DLC1: variants seen among roughly 807,000 people sequenced by gnomAD.
DLC1 encodes the protein DLC1 Rho GTPase activating protein, also known as rho GTPase-activating protein 7.
Under a neutral mutation model 140.3 loss-of-function variants are expected in DLC1, and 54 were observed. The observed-to-expected ratio is 0.38, with a 90% CI of 0.31 to 0.48. DLC1 has a LOEUF of 0.48. DLC1 is among the 20% of genes least tolerant of loss of function. The pLI, the probability that DLC1 is intolerant of heterozygous loss-of-function variation, is 0.96. For synonymous variants in DLC1, 986 were observed against 728.1 expected (o/e 1.35, Z -5.70); for missense variants, 2,536 against 1,907.0 (o/e 1.33, Z -6.14).
chr8:13,312,285 C>CCA (rs1563244776), intron 4 of DLC1, among the ~76,000 whole-genome samples: 1 of 115,896 alleles, frequency 8.6e-6, no homozygotes, highest in Non-Finnish European at 1.7e-5. Context: ...GGCGTGAACC[C>CCA]GGGAGGCGGA....
Position 13,568,168 on chromosome 8 carries a change from G to C in DLC1, c.-126+36369C>G, listed in dbSNP as rs1165884223. Reference sequence around the variant, plus strand: ...GAACTATGTTGGTAGTTTGGGCCAGGATGTTGATGGTACAGAAGCAAAGTA... The same window carrying C: ...GAACTATGTTGGTAGTTTGGGCCAGCATGTTGATGGTACAGAAGCAAAGTA... On this transcript the variant is annotated intron_variant, in intron 1 of 1. Coordinates refer to the DLC1 transcript ENST00000631382. 1.4e-5 allele frequency: 7 copies of C among 517,176 alleles called. No individual in the cohort carries two copies. In the African/African-American group the frequency reaches 1.4e-4, roughly 10 times the overall value. 32.0% of individuals were successfully genotyped at this position (517,176 alleles called of 1,614,324 possible). A position where few individuals can be genotyped will look rare whatever the true frequency, so the allele number is the denominator to read the frequency against.
chr8:13,573,501 G>A (rs779668459), intron 1 of DLC1, among the ~76,000 whole-genome samples: 1 of 152,122 alleles, frequency 6.6e-6, no homozygotes, highest in Non-Finnish European at 1.5e-5. Flanking sequence ...TTGAATAGAA[G>A]GTGTGAAAGT....
At chr8:13,385,920 C>G (rs1195388710) in intron 4 of DLC1, among the ~76,000 whole-genome samples, 1 of 152,140 alleles carries the variant, frequency 6.6e-6, no homozygotes, top group Non-Finnish European at 1.5e-5. Flanking sequence ...AGCTTGGAGA[C>G]AACTAGGTTT....
rs1838229877 is a variant in DLC1, at chr8:13,419,764, A to G, written c.1024-18145T>C. Among the ~76,000 whole-genome samples, 15 of 152,130 alleles carry G rather than the reference A, an allele frequency of 9.9e-5. No homozygotes were observed. The South Asian group carries it at 3.1e-3, about 32-fold the overall frequency. On this transcript the variant is annotated intron_variant, in intron 2 of 17. Transcript: ENST00000276297. ...GGGAGGATTCTCTCTTTTTCTATTG[A>G]TTGGAATAGTTTCAGAAGGAATGGT...
At chr8:13,313,955 C>T (rs1026061555) in intron 4 of DLC1, among the ~76,000 whole-genome samples, 2 of 151,956 alleles carry the variant, frequency 1.3e-5, no homozygotes, top group Non-Finnish European at 2.9e-5. Context: ...ACTTGGGTCT[C>T]CAAACAGAGG....
chr8:13,604,271 A>T (rs1805976843), intron 1 of DLC1, among the ~76,000 whole-genome samples: 1 of 152,204 alleles, frequency 6.6e-6, no homozygotes, highest in South Asian at 2.1e-4. Flanking sequence ...TATTGTTAAT[A>T]TGTCATATTT....
At chr8:13,453,394 A>ATATATATATATATATATATATATATATT (rs1799164346) in intron 2 of DLC1, among the ~76,000 whole-genome samples, 1 of 80,636 alleles carries the variant, frequency 1.2e-5, no homozygotes, top group East Asian at 4.0e-4. Flanking sequence ...CAGGATATAT[A>ATATATATATATATATATATATATATATT]TATATATGTG....
At chr8:13,404,877 G>A (rs1837454371) in intron 2 of DLC1, among the ~76,000 whole-genome samples, 2 of 151,936 alleles carry the variant, frequency 1.3e-5, no homozygotes, top group Non-Finnish European at 2.9e-5. Flanking sequence ...ATGGTACTGG[G>A]CACCTGTAAT....
rs1452137433 is a variant in DLC1 at position 13,095,167 on chromosome 8, G to C, written c.3246C>G (p.Val1082=). ...DRSVFGVPLT[V]NVQRTGQPLP... ...ACGGTTGTCCTGTGCGCTGCACGTTGACCGTCAGTGGGACCCCAAACACAC... is the reference window on the plus strand; with the variant it reads ...ACGGTTGTCCTGTGCGCTGCACGTTCACCGTCAGTGGGACCCCAAACACAC... The change falls in exon 11 of 18, where the codon GTC becomes GTG. Residue 1082 remains valine (V), a synonymous_variant. Transcript: ENST00000276297. The C allele has an allele frequency of 1.9e-6, 3 of 1,614,242 alleles. No individual in the cohort carries two copies. The African/African-American group carries it at 4.0e-5, about 22-fold the overall frequency.
intron 1 of DLC1, among the ~76,000 whole-genome samples, chr8:13,528,905 A>G (rs1357735823): frequency 6.6e-6 from 1 of 152,174 alleles, no homozygotes; most frequent in Non-Finnish European, 1.5e-5. Flanking sequence ...AGTGAAGCCA[A>G]TCTGATGAGG....
intron 5 of DLC1, among the ~76,000 whole-genome samples, chr8:13,130,122 T>G (rs1821955498): frequency 1.3e-5 from 2 of 152,222 alleles, no homozygotes; most frequent in African/African-American, 2.4e-5. Context: ...ATTGCATATT[T>G]ACCCGCTTAA....
At chr8:13,186,531 T>C (rs1001859692) in intron 5 of DLC1, among the ~76,000 whole-genome samples, 20 of 152,192 alleles carry the variant, frequency 1.3e-4, no homozygotes, top group African/African-American at 4.6e-4. Flanking sequence ...ACACTGTTTA[T>C]TCTAGGTAGC....
At chr8:13,224,579 T>TA (rs1415452909) in intron 5 of DLC1, among the ~76,000 whole-genome samples, 2 of 152,168 alleles carry the variant, frequency 1.3e-5, no homozygotes, top group Non-Finnish European at 2.9e-5. Context: ...TAAGGAGCCC[T>TA]AAGGGGTGGT....
intron 4 of DLC1, among the ~76,000 whole-genome samples, chr8:13,350,358 T>C (rs540832270): frequency 6.6e-6 from 1 of 152,260 alleles, no homozygotes; most frequent in Admixed American, 6.5e-5. Context: ...TTCTTGTGTA[T>C]TTGCTCTATC....
At chr8:13,225,851 G>A (rs1447337957) in intron 5 of DLC1, among the ~76,000 whole-genome samples, 3 of 152,010 alleles carry the variant, frequency 2.0e-5, no homozygotes, top group Admixed American at 1.3e-4. Context: ...TCCTGACCTC[G>A]CGATCCGCCT....
intron 5 of DLC1, among the ~76,000 whole-genome samples, chr8:13,290,616 T>C (rs965678877): frequency 3.3e-5 from 5 of 152,046 alleles, no homozygotes; most frequent in African/African-American, 1.2e-4. Flanking sequence ...TAATAAAGAG[T>C]ATAAAAGGAT....
At chr8:13,564,154 A>T (rs1219299743) in intron 1 of DLC1, among the ~76,000 whole-genome samples, 1 of 152,222 alleles carries the variant, frequency 6.6e-6, no homozygotes, top group Admixed American at 6.5e-5. Flanking sequence ...TTCACAAGGC[A>T]ATTAATCAAT....
rs1805217582 is a variant in DLC1 at position 13,584,080 on chromosome 8, C to T, written c.-126+20457G>A. On this transcript the variant is annotated intron_variant, in intron 1 of 1. Coordinates refer to the DLC1 transcript ENST00000631382. The stretch of plus-strand genomic sequence containing the variant: ...AGTGCCTGATACCAGCAGGGATAAG[C>T]AGGTGTCTTGCTTCAGCAGGTTCTT... 1.3e-5 allele frequency: 2 copies of T among 152,684 alleles called. 1 individual carries two copies. Among genetic ancestry groups the T allele is most frequent in the African/African-American group, 4.8e-5 (2 of 41,446 alleles). 9.5% of individuals were successfully genotyped at this position (152,684 alleles called of 1,614,324 possible). A position where few individuals can be genotyped will look rare whatever the true frequency, so the allele number is the denominator to read the frequency against.
At chr8:13,420,301 TC>T (rs1838256852) in intron 2 of DLC1, among the ~76,000 whole-genome samples, 2 of 152,142 alleles carry the variant, frequency 1.3e-5, no homozygotes, top group Admixed American at 6.6e-5. Flanking sequence ...TTTTCTTATG[TC>T]CTCATAATAG....
Sources: gnomAD v4.1 joint callset for allele counts (sites outside exome capture counted in the v4.1 genomes callset) on GRCh38, gnomAD v4.1.1 for gene constraint, MANE v1.5 for transcripts, NCBI Gene and HGNC (gene_info 2026-07-23, HGNC 2026-07-21) for gene names.